The following UCK2 variants were observed in gnomAD, a reference collection of about 807,000 sequenced individuals.
The protein encoded by UCK2 is cytidine monophosphokinase 2.
Under a neutral mutation model 30.8 loss-of-function variants are expected in UCK2, and 6 were observed. The observed-to-expected ratio is 0.19, with a 90% CI of 0.11 to 0.38. UCK2 has a LOEUF of 0.38. UCK2 is among the 10% of genes least tolerant of loss of function. The pLI, the probability that UCK2 is intolerant of heterozygous loss-of-function variation, is 1.00. For synonymous variants in UCK2, 125 were observed against 133.6 expected (o/e 0.94, Z 0.45); for missense variants, 210 against 339.8 (o/e 0.62, Z 3.00).
chr1:165,881,205 AAG>A (rs1226698543), intron 1 of UCK2, among the ~76,000 whole-genome samples: 9 of 150,702 alleles, frequency 6.0e-5, no homozygotes, highest in Middle Eastern at 3.4e-3. Context: ...AAAAAAAAAA[AAG>A]AGATGATGTA....
At chr1:165,896,405 G>A in intron 4 of UCK2, 73 bp downstream of exon 4, 1 of 1,569,038 alleles carries the variant, frequency 6.4e-7, no homozygotes. Context: ...GCCTGTGACA[G>A]GACCCCACCC....
intron 4 of UCK2, 130 bp downstream of exon 4, chr1:165,896,462 A>G (rs1647261847): frequency 9.5e-7 from 1 of 1,054,616 alleles, no homozygotes; most frequent in Non-Finnish European, 1.4e-6. Context: ...TGTGTGTCGC[A>G]TGGTCCAGCC....
At position 165,890,347 on chromosome 1, in the gene UCK2, C is replaced by A. The variant is rs776340377; in HGVS notation, c.243C>A (p.Phe81Leu). ...AGGCCAAAGCCCTGAAGGGCCAGTTCAACTTTGACCACCCGGGTGAGTCGG... is the reference window on the plus strand; with the variant it reads ...AGGCCAAAGCCCTGAAGGGCCAGTTAAACTTTGACCACCCGGGTGAGTCGG... ...EQKAKALKGQ[F>L]NFDHPDAFDN... Residue 81 changes from phenylalanine to leucine, a missense_variant, in exon 2 of 7, where the codon TTC becomes TTA. Physicochemically the swap from Phe to Leu is conservative, Grantham distance 22 (BLOSUM62 0). Transcript: ENST00000367879. 8 of 1,613,886 alleles carry A rather than the reference C, an allele frequency of 5.0e-6. No homozygotes were observed. The South Asian group carries it at 7.7e-5, about 16-fold the overall frequency.
In UCK2 at chr1:165,838,610, G is replaced by A. The variant is rs115298835; in HGVS notation, c.99+10678G>A. Among the ~76,000 whole-genome samples, 447 of 152,220 alleles carry A rather than the reference G, an allele frequency of 2.9e-3. 1 individual carries two copies. The highest frequency in any genetic ancestry group is 0.01 in the African/African-American group (426 of 41,542). Reference sequence around the variant, plus strand: ...ATTAAACCTGTTGCTGGGGGATGTGGATAGTTGTCCCTTTGCTGTTCACAT... The same window carrying A: ...ATTAAACCTGTTGCTGGGGGATGTGAATAGTTGTCCCTTTGCTGTTCACAT... On this transcript the variant is annotated intron_variant, in intron 1 of 6. Coordinates refer to ENST00000367879, the MANE Select transcript of UCK2 (RefSeq NM_012474.5).
chr1:165,889,009 GTTTTTC>G (rs1025516370), intron 1 of UCK2, among the ~76,000 whole-genome samples: 1 of 152,098 alleles, frequency 6.6e-6, no homozygotes, highest in Admixed American at 6.5e-5. Flanking sequence ...ATTACTATCT[GTTTTTC>G]TTTTTTTTAA....
chr1:165,865,908 A>G (rs1239771735), intron 1 of UCK2, among the ~76,000 whole-genome samples: 1 of 152,216 alleles, frequency 6.6e-6, no homozygotes, highest in Non-Finnish European at 1.5e-5. Context: ...AGGAGATCAA[A>G]CCCAATGCTT....
chr1:165,832,749 A>G lies in UCK2; in HGVS notation c.99+4817A>G, dbSNP rs552545708. Among the ~76,000 whole-genome samples, 10 of 152,070 alleles carry G rather than the reference A, an allele frequency of 6.6e-5. No homozygotes were observed. In the South Asian group the frequency reaches 1.9e-3, roughly 28 times the overall value. ...GCTGGGATTACAGGTGCCCACCACA[A>G]TGTCCGGCTAATTTTTGTATTTTTA... is the stretch of plus-strand genomic sequence containing the variant. On this transcript the variant is annotated intron_variant, in intron 1 of 6. Transcript: ENST00000367879.
intron 1 of UCK2, among the ~76,000 whole-genome samples, chr1:165,861,760 G>A (rs1654915079): frequency 6.6e-6 from 1 of 151,582 alleles, no homozygotes; most frequent in Non-Finnish European, 1.5e-5. Context: ...AGGAACTCAG[G>A]TTAAAGGAGG....
intron 4 of UCK2, among the ~76,000 whole-genome samples, chr1:165,897,162 A>G (rs1465402648): frequency 6.6e-6 from 1 of 151,524 alleles, no homozygotes; most frequent in Non-Finnish European, 1.5e-5. Context: ...ACGAAGAGAC[A>G]CTACAAAGTA....
chr1:165,853,475 C>T (rs1399177564), intron 1 of UCK2, among the ~76,000 whole-genome samples: 1 of 151,146 alleles, frequency 6.6e-6, no homozygotes, highest in Non-Finnish European at 1.5e-5. Context: ...CTAGTGGGTT[C>T]TCTCTCACCC....
chr1:165,870,379 A>C (rs1243935769), intron 1 of UCK2, among the ~76,000 whole-genome samples: 1 of 148,594 alleles, frequency 6.7e-6, no homozygotes, highest in Non-Finnish European at 1.5e-5. Flanking sequence ...GCTGGATGAC[A>C]ATTTTAATAT....
chr1:165,882,336 C>A (rs1031062372), intron 1 of UCK2, among the ~76,000 whole-genome samples: 1 of 152,196 alleles, frequency 6.6e-6, no homozygotes, highest in Non-Finnish European at 1.5e-5. Context: ...GAGAACGTTT[C>A]TACCAAGAGC....
chr1:165,848,676 ACC>A (rs1408731665), intron 1 of UCK2, among the ~76,000 whole-genome samples: 79 of 150,764 alleles, frequency 5.2e-4, no homozygotes, highest in East Asian at 1.8e-3. Flanking sequence ...ACACACACAC[ACC>A]CCCAAAAACC....
intron 2 of UCK2, chr1:165,890,993 G>A (rs1655750986): frequency 1.1e-5 from 5 of 453,918 alleles, no homozygotes; most frequent in South Asian, 8.9e-5. Context: ...GGGATGGAAT[G>A]TCAAAGGAGA....
chr1:165,844,109 G>A (rs1654391802), intron 1 of UCK2, among the ~76,000 whole-genome samples: 1 of 152,170 alleles, frequency 6.6e-6, no homozygotes, highest in Non-Finnish European at 1.5e-5. Flanking sequence ...GCACCAAGGA[G>A]TTAAGTACCC....
At chr1:165,899,592 G>A (rs993541136) in intron 4 of UCK2, among the ~76,000 whole-genome samples, 2 of 152,204 alleles carry the variant, frequency 1.3e-5, no homozygotes, top group African/African-American at 4.8e-5. Flanking sequence ...GGGCTGACGT[G>A]GAAGCCCAGC....
intron 1 of UCK2, among the ~76,000 whole-genome samples, chr1:165,881,182 TAAAAAAAAAAAA>T (rs56886913): frequency 4.3e-5 from 4 of 92,852 alleles, no homozygotes; most frequent in South Asian, 4.3e-4. Flanking sequence ...CAATAAAACT[TAAAAAAAAAAAA>T]AAAAAAAAAA....
intron 1 of UCK2, among the ~76,000 whole-genome samples, chr1:165,831,796 C>G (rs755210862): frequency 1.3e-5 from 2 of 152,084 alleles, no homozygotes; most frequent in African/African-American, 2.4e-5. Context: ...GATGGAATCT[C>G]ACTCTGTCAC....
intron 1 of UCK2, among the ~76,000 whole-genome samples, chr1:165,852,939 C>G (rs10800162): frequency 6.6e-6 from 1 of 151,958 alleles, no homozygotes; most frequent in Non-Finnish European, 1.5e-5. Flanking sequence ...GTGATCTTCC[C>G]TTAAAGGTTA....
Sources: allele counts gnomAD v4.1 joint callset (sites outside exome capture counted in the v4.1 genomes callset), GRCh38; gene constraint gnomAD v4.1.1; transcripts MANE v1.5; gene names NCBI Gene and HGNC (gene_info 2026-07-23, HGNC 2026-07-21).